The following SRC variants were observed in gnomAD, a reference collection of about 807,000 sequenced individuals.
SRC encodes proto-oncogene tyrosine-protein kinase Src.
Under a neutral mutation model 62.9 loss-of-function variants are expected in SRC, and 13 were observed. The ratio of observed to expected loss-of-function variants is 0.21; its 90% CI spans 0.13 to 0.33. The LOEUF (loss-of-function observed/expected upper bound fraction) is 0.33, where lower values mean the gene tolerates loss of function less well. Among genes scored for constraint, SRC ranks in the 10% least tolerant of loss-of-function variants. The pLI, the probability that SRC is intolerant of heterozygous loss-of-function variation, is 1.00. For missense variants in SRC, 457 were observed against 737.3 expected (o/e 0.62, Z 4.40); for synonymous variants, 302 against 317.5 (o/e 0.95, Z 0.52).
rs919443128 is a variant in SRC at position 37,386,612 on chromosome 20, C to T, written c.350+438C>T. 9.8e-5 allele frequency: 65 copies of T among 662,906 alleles called. No homozygotes were observed. In the Admixed American group the frequency reaches 1.3e-3, roughly 14 times the overall value. The allele number at this position is 662,906 out of a possible 1,614,324, so 41.1% of individuals were successfully genotyped here. Reference sequence around the variant, plus strand: ...CTGCTCCTCACCTCCCAGCTTCTCCCCTCCCCCCTCCACCAATTTGATTAG... The same window carrying T: ...CTGCTCCTCACCTCCCAGCTTCTCCTCTCCCCCCTCCACCAATTTGATTAG... On this transcript the variant is annotated intron_variant, in intron 5 of 13. Transcript: ENST00000373578.
intron 1 of SRC, among the ~76,000 whole-genome samples, chr20:37,359,096 G>A (rs1343197509): frequency 6.6e-6 from 1 of 152,244 alleles, no homozygotes; most frequent in Non-Finnish European, 1.5e-5. Flanking sequence ...AGCCAGGGTG[G>A]GCAGAAGCTC....
chr20:37,351,211 G>T lies in SRC; in HGVS notation c.-247+4956G>T, dbSNP rs1568616547. On this transcript the variant is annotated intron_variant, in intron 1 of 13. Coordinates refer to ENST00000373578, the MANE Select transcript of SRC (RefSeq NM_198291.3). This position sits in a 1 kb window ranked among gnomAD's most constrained non-coding sequence, Gnocchi z 4.4. ...TCCATTTGGTCCTTCTTCTCCCTTA[G>T]AACTACCCAGAGAAGTTCCAGAGTA... 6.6e-6 allele frequency among the ~76,000 whole-genome samples: 1 copy of T among 152,184 alleles called. No homozygotes were observed. Among genetic ancestry groups the T allele is most frequent in the Admixed American group, 6.5e-5 (1 of 15,284 alleles).
At chr20:37,390,861 C>T (rs1230580416) in intron 5 of SRC, among the ~76,000 whole-genome samples, 1 of 152,196 alleles carries the variant, frequency 6.6e-6, no homozygotes, top group Non-Finnish European at 1.5e-5. Flanking sequence ...AGCCCATTCC[C>T]TCAGACCCCT....
At chr20:37,391,660 C>A (rs1034842180) in intron 5 of SRC, among the ~76,000 whole-genome samples, 12 of 152,062 alleles carry the variant, frequency 7.9e-5, no homozygotes, top group Admixed American at 2.0e-4. Flanking sequence ...TCGAGACCAC[C>A]CTGGCCAACA....
intron 2 of SRC, among the ~76,000 whole-genome samples, chr20:37,371,564 T>G (rs2070166234): frequency 6.6e-6 from 1 of 152,146 alleles, no homozygotes; most frequent in African/African-American, 2.4e-5. Context: ...CTTTTTATTT[T>G]TTATTTCATT....
rs1474191547 is a variant in SRC at position 37,398,554 on chromosome 20, C to T, written c.859+700C>T. On this transcript the variant is annotated intron_variant, in intron 9 of 13. Transcript: ENST00000373578. The surrounding 1 kb of genome is among the most constrained non-coding windows in gnomAD (Gnocchi z 5.2). ...ACTCCCACTGCCTCCACGTTCCGCCCTCCAGAGGGCTGATGGAGGAGAGCA... is the reference window on the plus strand; with the variant it reads ...ACTCCCACTGCCTCCACGTTCCGCCTTCCAGAGGGCTGATGGAGGAGAGCA... Among the ~76,000 whole-genome samples the T allele has an allele frequency of 1.3e-5, 2 of 152,246 alleles. No individual in the cohort carries two copies. Among genetic ancestry groups the T allele is most frequent in the Admixed American group, 6.5e-5 (1 of 15,286 alleles).
At position 37,393,922 on chromosome 20, in the gene SRC, G is replaced by C. The variant is rs371652109; in HGVS notation, c.378G>C (p.Ser126=). 6.2e-7 allele frequency: 1 copy of C among 1,614,028 alleles called. No homozygotes were observed. The highest frequency in any genetic ancestry group is 8.5e-7 in the Non-Finnish European group (1 of 1,179,982). ...NTEGDWWLAH[S]LSTGQTGYIP... ...AGGGAGACTGGTGGCTGGCCCACTC[G>C]CTCAGCACAGGACAGACAGGCTACA... is the stretch of plus-strand genomic sequence containing the variant. The change falls in exon 6 of 14, where the codon TCG becomes TCC. Residue 126 remains serine, a synonymous_variant. Transcript: ENST00000373578.
intron 1 of SRC, among the ~76,000 whole-genome samples, 160 bp downstream of exon 1, chr20:37,346,415 C>G (rs1600943495): frequency 1.4e-5 from 2 of 146,364 alleles, no homozygotes; most frequent in African/African-American, 4.9e-5. Context: ...ACCCAAGCGC[C>G]GGGCGGGCGC....
chr20:37,366,419 A>G (rs1386389741), intron 2 of SRC, among the ~76,000 whole-genome samples: 1 of 152,242 alleles, frequency 6.6e-6, no homozygotes, highest in Non-Finnish European at 1.5e-5. Flanking sequence ...TATACAATTC[A>G]GTGGTTTTTA....
In SRC at chr20:37,351,699, A is replaced by G. The variant is rs184835631; in HGVS notation, c.-247+5444A>G. ...ATGTCATGCCCTTCTGAGCTGGGTCATAATAAGGTGACCCATTGTGTCCCT... is the reference window on the plus strand; with the variant it reads ...ATGTCATGCCCTTCTGAGCTGGGTCGTAATAAGGTGACCCATTGTGTCCCT... On this transcript the variant is annotated intron_variant, in intron 1 of 13. Coordinates refer to ENST00000373578, the MANE Select transcript of SRC (RefSeq NM_198291.3). The surrounding 1 kb of genome is among the most constrained non-coding windows in gnomAD (Gnocchi z 4.4). 2.6e-5 allele frequency among the ~76,000 whole-genome samples: 4 copies of G among 152,320 alleles called. No individual in the cohort carries two copies. Among genetic ancestry groups the G allele is most frequent in the African/African-American group, 7.2e-5 (3 of 41,564 alleles).
At chr20:37,371,274 G>A (rs112043231) in intron 2 of SRC, among the ~76,000 whole-genome samples, 16 of 152,242 alleles carry the variant, frequency 1.1e-4, no homozygotes, top group African/African-American at 3.6e-4. Flanking sequence ...GATTACAGGC[G>A]TGAGCCACCG....
At position 37,397,030 on chromosome 20, in the gene SRC, T is replaced by G. The variant is rs1455157411; in HGVS notation, c.704-669T>G. Among the ~76,000 whole-genome samples the G allele has an allele frequency of 2.0e-5, 3 of 152,102 alleles. No homozygotes were observed. Among genetic ancestry groups the G allele is most frequent in the African/African-American group, 7.2e-5 (3 of 41,398 alleles). On this transcript the variant is annotated intron_variant, in intron 8 of 13. Coordinates refer to ENST00000373578, the MANE Select transcript of SRC (RefSeq NM_198291.3). This position sits in a 1 kb window ranked among gnomAD's most constrained non-coding sequence, Gnocchi z 4.1. The stretch of plus-strand genomic sequence containing the variant: ...GTAGCTCATTCTGAACCCCTTTCCC[T>G]CAGATCAGAACTCTCCAGGGGCTGT...
intron 1 of SRC, among the ~76,000 whole-genome samples, chr20:37,359,163 G>C (rs1391721286): frequency 6.6e-6 from 1 of 152,252 alleles, no homozygotes; most frequent in East Asian, 1.9e-4. Context: ...GGCATAGGCT[G>C]TGGGACTGGA....
chr20:37,399,674 A>G (rs2070709934), intron 9 of SRC, among the ~76,000 whole-genome samples: 3 of 151,904 alleles, frequency 2.0e-5, no homozygotes, highest in Admixed American at 2.0e-4. Flanking sequence ...CCTCCCGAGT[A>G]TCCAGTATTA....
intron 2 of SRC, among the ~76,000 whole-genome samples, chr20:37,373,223 C>CAT (rs1206784887): frequency 2.0e-5 from 3 of 151,170 alleles, no homozygotes; most frequent in Non-Finnish European, 2.9e-5. Flanking sequence ...CATGTACATA[C>CAT]GTACACACAT....
At chr20:37,364,627 T>C (rs574918593) in intron 1 of SRC, among the ~76,000 whole-genome samples, 5 of 152,260 alleles carry the variant, frequency 3.3e-5, no homozygotes, top group South Asian at 4.1e-4. Flanking sequence ...CCCTCTCCCT[T>C]TCTGAGCCTC....
At chr20:37,358,853 C>T (rs1171758699) in intron 1 of SRC, among the ~76,000 whole-genome samples, 1 of 152,278 alleles carries the variant, frequency 6.6e-6, no homozygotes, top group Non-Finnish European at 1.5e-5. Context: ...CGTCTCCACC[C>T]CAGCCCCACT....
Position 37,382,782 on chromosome 20 carries a change from A to G in SRC, c.-9A>G, listed in dbSNP as rs1377365995. 1.3e-5 allele frequency: 2 copies of G among 152,074 alleles called. No homozygotes were observed. Among genetic ancestry groups the G allele is most frequent in the Non-Finnish European group, 2.9e-5 (2 of 68,000 alleles). 9.4% of individuals were successfully genotyped at this position (152,074 alleles called of 1,614,324 possible). On this transcript the variant is annotated 5_prime_UTR_variant, in exon 3 of 14. Transcript: ENST00000373578. The stretch of plus-strand genomic sequence containing the variant: ...TCCTCTGGGACAGCCCCTGCCTTCT[A>G]CCAGGTGAGATGATGGCCCTATCAG...
intron 1 of SRC, among the ~76,000 whole-genome samples, chr20:37,352,422 A>T (rs2069818139): frequency 6.6e-6 from 1 of 152,142 alleles, no homozygotes; most frequent in East Asian, 1.9e-4. Context: ...AGTGGGGGGA[A>T]GATTAACTAG....
Sources: allele counts gnomAD v4.1 joint callset (sites outside exome capture counted in the v4.1 genomes callset), GRCh38; gene constraint gnomAD v4.1.1; non-coding constraint Gnocchi (gnomAD v3.1); transcripts MANE v1.5; gene names NCBI Gene and HGNC (gene_info 2026-07-23, HGNC 2026-07-21).